Variants in MLLT6 observed in about 807,000 individuals in gnomAD.
MLLT6 encodes MLLT6, PHD finger containing, also known as protein AF-17.
MLLT6 carries 22 observed loss-of-function variants against 103.0 expected under a neutral mutation model. The observed-to-expected ratio is 0.21, with a 90% CI of 0.15 to 0.31. The LOEUF is 0.31. Ranked by LOEUF, MLLT6 falls within the 10% of genes least tolerant of loss-of-function variation. The pLI, the probability that MLLT6 is intolerant of heterozygous loss-of-function variation, is 1.00. For missense variants in MLLT6, 1,199 were observed against 1,441.7 expected (o/e 0.83, Z 2.73); for synonymous variants, 606 against 623.5 (o/e 0.97, Z 0.42).
At chr17:38,715,876 G>T in intron 9 of MLLT6, 48 bp downstream of exon 9, 1 of 1,497,712 alleles carries the variant, frequency 6.7e-7, no homozygotes, top group Non-Finnish European at 9.1e-7. Context: ...AAAGCCTTTT[G>T]TCCTGAGCTT....
rs56815645 is a variant in MLLT6 at position 38,725,865 on chromosome 17, A to T, written c.*267A>T. 22 of 470,164 alleles carry T rather than the reference A, an allele frequency of 4.7e-5. No homozygotes were observed. In the East Asian group the frequency reaches 7.6e-4, roughly 16 times the overall value. 29.1% of individuals were successfully genotyped at this position (470,164 alleles called of 1,614,324 possible). ...GTCTGCAAGCCCGCCTAGGAGGTCC[A>T]TCCCCAGCAAATGTTTTGGAGGTCC... On this transcript the variant is annotated 3_prime_UTR_variant, in exon 20 of 20. Transcript: ENST00000621332.
At chr17:38,725,511 G>T in intron 19 of MLLT6, 46 bp from the exon 20 acceptor site, 1 of 1,579,032 alleles carries the variant, frequency 6.3e-7, no homozygotes, top group Non-Finnish European at 8.7e-7. Flanking sequence ...TGGGGGTTAG[G>T]ACCTGACACT....
In MLLT6 at chr17:38,705,645, G is replaced by A; in HGVS notation, c.13G>A (p.Val5Ile). Residue 5 changes from valine to isoleucine, a missense_variant, in exon 1 of 20, where the codon GTA (valine) becomes ATA (isoleucine). This residue lies in a region of MLLT6 where 24 missense variants were observed against 38.7 expected (regional missense o/e 0.62). Transcript: ENST00000621332. MKEM[V>I]GGCCVCSDER... ...AGCTCATGGGAGTATGAAGGAGATGGTAGGAGGCTGCTGCGTATGTTCGGA... is the reference window on the plus strand; with the variant it reads ...AGCTCATGGGAGTATGAAGGAGATGATAGGAGGCTGCTGCGTATGTTCGGA... 6.4e-7 allele frequency: 1 copy of A among 1,565,678 alleles called. No individual in the cohort carries two copies. The highest frequency in any genetic ancestry group is 8.7e-7 in the Non-Finnish European group (1 of 1,154,072).
rs1343632618 is a variant in MLLT6, at chr17:38,715,718, G to A, written c.926G>A (p.Ser309Asn). 6.2e-7 allele frequency: 1 copy of A among 1,614,204 alleles called. No homozygotes were observed. The highest frequency in any genetic ancestry group is 1.3e-5 in the African/African-American group (1 of 75,052). Residue 309 changes from serine (S) to asparagine (N), a missense_variant, in exon 9 of 20, where the codon AGT becomes AAT. This residue lies in a region of MLLT6 where 1,034 missense variants were observed against 1,091.5 expected (regional missense o/e 0.95). Transcript: ENST00000621332. ...AAAAAGTCTTCCAGCCATAGCCTGA[G>A]TCATAAAGGGAAGAAACTGAGCAGT... ...KGKKSSSHSL[S>N]HKGKKLSSGK...
chr17:38,720,505 C>T lies in MLLT6; in HGVS notation c.2289C>T (p.Ala763=), dbSNP rs1386995118. 1.2e-6 allele frequency: 2 copies of T among 1,612,580 alleles called. No individual in the cohort carries two copies. The highest frequency in any genetic ancestry group is 1.1e-5 in the South Asian group (1 of 91,018). The change falls in exon 15 of 20, where the codon GCC becomes GCT. Residue 763 remains alanine (A), a synonymous_variant. Transcript: ENST00000621332. ...LNVQLSVPFP[A]LPAALPAANG... is the part of the protein sequence containing the mutation. The stretch of plus-strand genomic sequence containing the variant: ...TGCAGCTCTCTGTGCCCTTCCCTGC[C>T]CTGCCTGCTGCCCTGCCTGCCGCCA...
At chr17:38,725,152 G>A (rs947456452) in intron 19 of MLLT6, 176 bp downstream of exon 19, 13 of 571,086 alleles carry the variant, frequency 2.3e-5, no homozygotes, top group South Asian at 1.2e-4. Context: ...CCTCCTGCAC[G>A]GCCAAGAAAG....
At chr17:38,705,845 C>G in intron 1 of MLLT6, 104 bp downstream of exon 1, 1 of 342,762 alleles carries the variant, frequency 2.9e-6, no homozygotes, top group Non-Finnish European at 5.0e-6. Context: ...CGCGCCCCTC[C>G]CCCACCCCAC....
rs904243631 is a variant in MLLT6, at chr17:38,722,037, CGGGCACCCG to C, written c.2608_2616del (p.Pro870_Ala872del). ...GCCCCAGCCGCAGAACGGGTTGGGC[CGGGCACCCG>C]GGGCAGCGGGGCTGGGGGCCATGCC... On this transcript the variant is annotated inframe_deletion, in exon 17 of 20. Transcript: ENST00000621332. 4.2e-6 allele frequency: 6 copies of C among 1,424,432 alleles called. No individual in the cohort carries two copies. Among genetic ancestry groups the C allele is most frequent in the South Asian group, 1.4e-5 (1 of 70,348 alleles). The allele number at this position is 1,424,432 out of a possible 1,614,324, so 88.2% of individuals were successfully genotyped here.
At chr17:38,710,018 C>T (rs1905090065) in intron 6 of MLLT6, among the ~76,000 whole-genome samples, 1 of 152,216 alleles carries the variant, frequency 6.6e-6, no homozygotes. Context: ...GATGAGTAAA[C>T]TAAGGCTCAC....
intron 8 of MLLT6, among the ~76,000 whole-genome samples, chr17:38,714,925 G>A (rs1905273804): frequency 1.3e-5 from 2 of 152,104 alleles, no homozygotes; most frequent in Admixed American, 1.3e-4. Context: ...GTTGACATGT[G>A]GTCATGTGTG....
At position 38,709,385 on chromosome 17, in the gene MLLT6, G is replaced by C; in HGVS notation, c.459-97G>C. ...GATGGTGGTGGCAATGCTTTGGATG[G>C]TCTTGGCTTCGCCTCAGCAGGGGGC... On this transcript the variant is annotated intron_variant, in intron 5 of 19. Transcript: ENST00000621332. The surrounding 1 kb of genome is among the most constrained non-coding windows in gnomAD (Gnocchi z 4.3). 7.0e-7 allele frequency: 1 copy of C among 1,421,996 alleles called. No homozygotes were observed. Among genetic ancestry groups the C allele is most frequent in the Non-Finnish European group, 9.9e-7 (1 of 1,005,064 alleles). The allele number at this position is 1,421,996 out of a possible 1,614,324, so 88.1% of individuals were successfully genotyped here. A position where few individuals can be genotyped will look rare whatever the true frequency, so the allele number is the denominator to read the frequency against.
chr17:38,720,237 C>T lies in MLLT6; in HGVS notation c.2156-135C>T, dbSNP rs894692254. The T allele has an allele frequency of 5.7e-6, 5 of 874,460 alleles. No individual in the cohort carries two copies. In the Admixed American group the frequency reaches 1.0e-4, roughly 18 times the overall value. The allele number at this position is 874,460 out of a possible 1,614,324, so 54.2% of individuals were successfully genotyped here. On this transcript the variant is annotated intron_variant, in intron 14 of 19. Transcript: ENST00000621332. ...AAGTCCCGCCTCTCTTCTCAGAGCT[C>T]ACCTGTGTCCCTCCTTAGGATGGCG...
chr17:38,718,047 G>T, intron 12 of MLLT6, 94 bp downstream of exon 12: 2 of 878,814 alleles, frequency 2.3e-6, no homozygotes, highest in South Asian at 1.6e-5. Flanking sequence ...AGAGCTTTCT[G>T]GCTGCCCCCT....
At position 38,717,912 on chromosome 17, in the gene MLLT6, C is replaced by T. The variant is rs1409163897; in HGVS notation, c.1901C>T (p.Ala634Val). ...STHIFGTPMG[A>V]VNPLLSQAES... ...CACATCTTTGGAACCCCCATGGGTG[C>T]CGTTAATCCCCTCCTCTCCCAAGCT... The change falls in exon 12 of 20, where the codon GCC (alanine) becomes GTC (valine). Residue 634 changes from alanine (A) to valine (V), a missense_variant. By Grantham distance (64) the Ala-to-Val change is moderately conservative. Around this residue, in one of 7 missense-constraint regions of MLLT6, gnomAD observed 1,034 missense variants for 1,091.5 expected, o/e 0.95. Coordinates refer to ENST00000621332, the MANE Select transcript of MLLT6 (RefSeq NM_005937.4). 1 of 1,613,802 alleles carries T rather than the reference C, an allele frequency of 6.2e-7. No homozygotes were observed. The highest frequency in any genetic ancestry group is 1.1e-5 in the South Asian group (1 of 91,052).
In MLLT6 at chr17:38,717,866, A is replaced by T. The variant is rs200418635; in HGVS notation, c.1855A>T (p.Thr619Ser). 1.2e-6 allele frequency: 2 copies of T among 1,613,614 alleles called. No homozygotes were observed. The highest frequency in any genetic ancestry group is 1.7e-6 in the Non-Finnish European group (2 of 1,179,788). ...TTAGGTGTTTTCTCTGGCTGGCTCT[A>T]CCTTTAGCCTCCCTTCTACCCACAT... ...TTQVFSLAGSTFSLPSTHIFG... is the reference protein window; with the variant it reads ...TTQVFSLAGSSFSLPSTHIFG... The change falls in exon 12 of 20, where the codon ACC becomes TCC. Residue 619 changes from threonine (T) to serine (S), a missense_variant. Thr to Ser is a moderately conservative substitution (Grantham distance 58). Coordinates refer to ENST00000621332, the MANE Select transcript of MLLT6 (RefSeq NM_005937.4).
chr17:38,713,425 T>G, intron 8 of MLLT6: 1 of 241,848 alleles, frequency 4.1e-6, no homozygotes. Flanking sequence ...CCCTACAACC[T>G]GCCCTCCCCA....
chr17:38,720,318 TGG>T, intron 14 of MLLT6, 52 bp from the exon 15 acceptor site: 1 of 65,202 alleles, frequency 1.5e-5, no homozygotes, highest in Non-Finnish European at 2.6e-5. Context: ...CCCGGTCCCC[TGG>T]CCCCGCCTCC....
chr17:38,712,891 C>T (rs1376949149), intron 8 of MLLT6, 102 bp downstream of exon 8: 5 of 813,868 alleles, frequency 6.1e-6, no homozygotes, highest in Non-Finnish European at 4.3e-6. Flanking sequence ...TGGGCACCCT[C>T]CCCACAGCTT....
intron 13 of MLLT6, 46 bp downstream of exon 13, chr17:38,719,629 C>T (rs971401530): frequency 3.2e-6 from 5 of 1,575,588 alleles, no homozygotes; most frequent in Non-Finnish European, 4.3e-6. Flanking sequence ...GCAGGAGGGA[C>T]ACCCGAGGGA....
Sources: gnomAD v4.1 joint callset for allele counts (sites outside exome capture counted in the v4.1 genomes callset) on GRCh38, gnomAD v4.1.1 for gene constraint, gnomAD v4.1.1 regional missense constraint, Gnocchi (gnomAD v3.1) non-coding constraint, MANE v1.5 for transcripts, NCBI Gene and HGNC (gene_info 2026-07-23, HGNC 2026-07-21) for gene names.